SAMSN1: variants seen among roughly 807,000 people sequenced by gnomAD.
SAMSN1 encodes the protein SAM domain, SH3 domain and nuclear localization signals 1, also known as SAM domain-containing protein SAMSN-1.
A neutral mutation model predicts 42.0 loss-of-function variants in SAMSN1; 31 were observed. That is an observed-to-expected ratio of 0.74 (90% confidence interval 0.55 to 1.00). The LOEUF is 1.00. Among genes scored for constraint, SAMSN1 ranks in the 50% least tolerant of loss-of-function variants. The pLI, the probability that SAMSN1 is intolerant of heterozygous loss-of-function variation, is 0.00. For missense variants in SAMSN1, 464 were observed against 439.4 expected, an observed-to-expected ratio of 1.06 and a Z score of -0.50; for synonymous variants, 178 against 151.9, an observed-to-expected ratio of 1.17 and a Z score of -1.26.
At position 14,485,492 on chromosome 21, in the gene SAMSN1, C is replaced by T. The variant is rs1156646455; in HGVS notation, c.*420G>A. 2 of 157,312 alleles carry T rather than the reference C, an allele frequency of 1.3e-5. No individual in the cohort carries two copies. The highest frequency in any genetic ancestry group is 4.8e-5 in the African/African-American group (2 of 41,420). The allele number at this position is 157,312 out of a possible 1,614,324, so 9.7% of individuals were successfully genotyped here. On this transcript the variant is annotated 3_prime_UTR_variant, in exon 8 of 8. Transcript: ENST00000400566. ...CCAATAAGTATAAAAATGAATATAA[C>T]ATTGCTTGGACAACTTGTTTCAACA... is the stretch of plus-strand genomic sequence containing the variant.
chr21:14,607,871 C>A lies in SAMSN1; in HGVS notation c.322+1611G>T, dbSNP rs558445524. On this transcript the variant is annotated intron_variant, in intron 5 of 15. Transcript: ENST00000647101. ...CCTTCTTTATCCATAGATCAACATA[C>A]AATAATCTAAAATACAACATGTGCT... Among the ~76,000 whole-genome samples the A allele has an allele frequency of 6.6e-5, 10 of 152,238 alleles. 1 individual carries two copies. The South Asian group carries it at 2.1e-3, about 32-fold the overall frequency.
intron 1 of SAMSN1, chr21:14,582,626 C>A (rs999571908): frequency 1.6e-5 from 7 of 428,594 alleles, no homozygotes; most frequent in African/African-American, 1.2e-4. Flanking sequence ...AAATTATTTA[C>A]AGCAGCATTT....
rs143106718 is a variant in SAMSN1 at position 14,524,186 on chromosome 21, G to C, written c.58-2965C>G. Among the ~76,000 whole-genome samples, 468 of 152,266 alleles carry C rather than the reference G, an allele frequency of 3.1e-3. 3 individuals are homozygous for C. The highest frequency in any genetic ancestry group is 0.011 in the African/African-American group (442 of 41,554). On this transcript the variant is annotated intron_variant, in intron 1 of 7. Coordinates refer to ENST00000400566, the MANE Select transcript of SAMSN1 (RefSeq NM_022136.5). ...GAACACATTTATGACTTCTGTTCTT[G>C]TAAAGTTTTATGATAACAAGGTGAA...
intron 5 of SAMSN1, 65 bp downstream of exon 5, chr21:14,510,245 T>C: frequency 1.3e-6 from 2 of 1,515,096 alleles, no homozygotes; most frequent in South Asian, 1.1e-5. Context: ...TTATACTTGC[T>C]GAAACAGATC....
rs73161228 is a variant in SAMSN1 at position 14,526,489 on chromosome 21, G to T, written c.58-5268C>A. On this transcript the variant is annotated intron_variant, in intron 1 of 7. Transcript: ENST00000400566. Reference sequence around the variant, plus strand: ...ATGCAATCTAATGAGTAATATAAAAGAACTTAAGGCGATTCTTTTTTTATT... The same window carrying T: ...ATGCAATCTAATGAGTAATATAAAATAACTTAAGGCGATTCTTTTTTTATT... 3.8e-4 allele frequency among the ~76,000 whole-genome samples: 58 copies of T among 152,198 alleles called. No homozygotes were observed. In the Middle Eastern group the frequency reaches 0.014, roughly 36 times the overall value.
chr21:14,647,159 G>A (rs146946198), intron 1 of SAMSN1, among the ~76,000 whole-genome samples: 78 of 152,258 alleles, frequency 5.1e-4, no homozygotes, highest in African/African-American at 1.8e-3. Flanking sequence ...CCATCAATCT[G>A]TTGCCTGCAA....
chr21:14,611,227 T>C lies in SAMSN1; in HGVS notation c.235+1649A>G, dbSNP rs565321173. Among the ~76,000 whole-genome samples the C allele has an allele frequency of 2.0e-4, 31 of 152,364 alleles. No homozygotes were observed. In the South Asian group the frequency reaches 6.2e-3, roughly 31 times the overall value. Reference sequence around the variant, plus strand: ...GTGTAGAAAGAACATTGGGCTGTGATAGTTTCAAGAAACTCTAAGATCCTT... The same window carrying C: ...GTGTAGAAAGAACATTGGGCTGTGACAGTTTCAAGAAACTCTAAGATCCTT... On this transcript the variant is annotated intron_variant, in intron 4 of 15. Coordinates refer to the SAMSN1 transcript ENST00000647101.
At chr21:14,607,161 G>A (rs973264955) in intron 5 of SAMSN1, among the ~76,000 whole-genome samples, 1 of 151,998 alleles carries the variant, frequency 6.6e-6, no homozygotes, top group Admixed American at 6.6e-5. Context: ...GTGGGTTGTG[G>A]ATGACAGCAA....
chr21:14,498,339 T>C, intron 7 of SAMSN1, 103 bp downstream of exon 7: 1 of 981,572 alleles, frequency 1.0e-6, no homozygotes, highest in Non-Finnish European at 1.5e-6. Flanking sequence ...AAAGCGTGCT[T>C]TCATGATCTC....
intron 5 of SAMSN1, among the ~76,000 whole-genome samples, chr21:14,602,352 C>A (rs1982459386): frequency 6.6e-6 from 1 of 151,884 alleles, no homozygotes; most frequent in African/African-American, 2.4e-5. Flanking sequence ...GATGGAAATT[C>A]ACTGTGACTC....
intron 7 of SAMSN1, among the ~76,000 whole-genome samples, chr21:14,487,938 G>A (rs938414735): frequency 6.6e-6 from 1 of 151,898 alleles, no homozygotes; most frequent in African/African-American, 2.4e-5. Context: ...AAGTTTGGGA[G>A]GGTTTACTTA....
intron 1 of SAMSN1, among the ~76,000 whole-genome samples, chr21:14,534,680 G>A (rs1007817897): frequency 2.0e-5 from 3 of 152,062 alleles, no homozygotes; most frequent in Non-Finnish European, 2.9e-5. Context: ...CAGAAGGAGA[G>A]ATTATTAAAT....
intron 1 of SAMSN1, among the ~76,000 whole-genome samples, chr21:14,543,055 C>T (rs761613140): frequency 6.6e-6 from 1 of 152,170 alleles, no homozygotes; most frequent in Admixed American, 6.6e-5. Flanking sequence ...AACTATTATT[C>T]TCCTATTTCT....
At chr21:14,638,488 G>A (rs1410537899) in intron 2 of SAMSN1, among the ~76,000 whole-genome samples, 1 of 152,074 alleles carries the variant, frequency 6.6e-6, no homozygotes, top group African/African-American at 2.4e-5. Flanking sequence ...AAATATTTTA[G>A]GTTTGTGAGA....
At chr21:14,640,807 T>G (rs1246140252) in intron 2 of SAMSN1, among the ~76,000 whole-genome samples, 2 of 152,128 alleles carry the variant, frequency 1.3e-5, no homozygotes, top group African/African-American at 4.8e-5. Flanking sequence ...CTTTTCAGTA[T>G]GCCTGTATAC....
At chr21:14,589,306 A>T (rs1982012179) in intron 7 of SAMSN1, among the ~76,000 whole-genome samples, 1 of 152,200 alleles carries the variant, frequency 6.6e-6, no homozygotes, top group East Asian at 1.9e-4. Flanking sequence ...ATTTATTAAT[A>T]ATAGAGTTGG....
At chr21:14,596,468 G>A (rs1436003070) in intron 6 of SAMSN1, among the ~76,000 whole-genome samples, 1 of 152,146 alleles carries the variant, frequency 6.6e-6, no homozygotes, top group African/African-American at 2.4e-5. Flanking sequence ...GTCTTCAGAA[G>A]GTGGAACCTA....
intron 1 of SAMSN1, among the ~76,000 whole-genome samples, chr21:14,542,554 G>A (rs1182500627): frequency 2.0e-5 from 3 of 152,274 alleles, no homozygotes; most frequent in Middle Eastern, 6.8e-3. Context: ...CATTTATAGA[G>A]TGTAATGCAA....
intron 1 of SAMSN1, among the ~76,000 whole-genome samples, chr21:14,582,708 G>T (rs923242665): frequency 5.3e-5 from 8 of 151,952 alleles, no homozygotes; most frequent in South Asian, 4.2e-4. Flanking sequence ...TGACATTTTT[G>T]AAACCATAAC....
Sources: gnomAD v4.1 joint callset for allele counts (sites outside exome capture counted in the v4.1 genomes callset) on GRCh38, gnomAD v4.1.1 for gene constraint, MANE v1.5 for transcripts, NCBI Gene and HGNC (gene_info 2026-07-23, HGNC 2026-07-21) for gene names.